LOXHD1: variants seen among roughly 807,000 people sequenced by gnomAD.
The protein encoded by LOXHD1 is lipoxygenase homology PLAT domains 1, also known as lipoxygenase homology domain-containing protein 1.
Under a neutral mutation model 248.2 loss-of-function variants are expected in LOXHD1, and 205 were observed. That is an observed-to-expected ratio of 0.83 (90% CI 0.74 to 0.93). LOXHD1 has a LOEUF of 0.93. Among genes scored for constraint, LOXHD1 ranks in the 40% least tolerant of loss-of-function variants. LOXHD1 has a pLI of 0.00. For missense variants in LOXHD1, 2,930 were observed against 2,971.6 expected (o/e 0.99, Z 0.33); for synonymous variants, 1,113 against 1,162.8 (o/e 0.96, Z 0.87).
intron 6 of LOXHD1, among the ~76,000 whole-genome samples, chr18:46,609,162 T>C (rs1394890141): frequency 6.6e-6 from 1 of 152,216 alleles, no homozygotes; most frequent in Non-Finnish European, 1.5e-5. Flanking sequence ...ATAAGATGCC[T>C]AGAGATTCAG....
chr18:46,567,067 T>A (rs191388197), intron 16 of LOXHD1, among the ~76,000 whole-genome samples: 1 of 152,340 alleles, frequency 6.6e-6, no homozygotes, highest in Non-Finnish European at 1.5e-5. Context: ...CATTTTAACA[T>A]CTTTGCCCCC....
Position 46,593,664 on chromosome 18 carries a change from GTCCGCCCCT to G in LOXHD1, c.1358_1366del (p.Lys453_Arg455del). The G allele has an allele frequency of 6.4e-7, 1 of 1,552,300 alleles. No individual in the cohort carries two copies. The highest frequency in any genetic ancestry group is 2.4e-5 in the East Asian group (1 of 40,912). The stretch of plus-strand genomic sequence containing the variant: ...GTTGGGATTCAGGAGAATCTCATCT[GTCCGCCCCT>G]TCTGCCCATAAATCTGGATGAAGAT... On this transcript the variant is annotated inframe_deletion, in exon 10 of 41. Coordinates refer to ENST00000642948, the MANE Select transcript of LOXHD1 (RefSeq NM_001384474.1).
chr18:46,571,738 A>T (rs1227824540), intron 15 of LOXHD1, among the ~76,000 whole-genome samples: 1 of 152,220 alleles, frequency 6.6e-6, no homozygotes, highest in East Asian at 1.9e-4. Context: ...CCAAGATGAT[A>T]CTTGGCATTT....
chr18:46,566,171 G>T, intron 17 of LOXHD1, 86 bp downstream of exon 17: 1 of 1,419,584 alleles, frequency 7.0e-7, no homozygotes, highest in Non-Finnish European at 9.5e-7. Context: ...AGCAAGACCT[G>T]CTTTGCCCCA....
At chr18:46,653,108 G>A (rs766023853) in intron 1 of LOXHD1, among the ~76,000 whole-genome samples, 3 of 152,140 alleles carry the variant, frequency 2.0e-5, no homozygotes, top group Admixed American at 6.5e-5. Flanking sequence ...TTAGCCAGGC[G>A]TGGTGGCGCA....
In LOXHD1 at chr18:46,524,408, G is replaced by A; in HGVS notation, c.4876+58C>T. The A allele has an allele frequency of 4.6e-6, 7 of 1,530,186 alleles. No homozygotes were observed. The South Asian group carries it at 7.3e-5, about 16-fold the overall frequency. The allele number at this position is 1,530,186 out of a possible 1,614,324, so 94.8% of individuals were successfully genotyped here. ...CTCAAGAATGGCTCATCCAAGAATTGCTTTAAAACATTTCCATGTGCCTGG... is the reference window on the plus strand; with the variant it reads ...CTCAAGAATGGCTCATCCAAGAATTACTTTAAAACATTTCCATGTGCCTGG... On this transcript the variant is annotated intron_variant, in intron 31 of 40. Coordinates refer to ENST00000642948, the MANE Select transcript of LOXHD1 (RefSeq NM_001384474.1).
intron 21 of LOXHD1, 92 bp downstream of exon 21, chr18:46,557,264 C>G (rs139052361): frequency 4.0e-6 from 6 of 1,483,486 alleles, no homozygotes; most frequent in Non-Finnish European, 9.2e-7. Flanking sequence ...TCACAGCCGG[C>G]CCACCCCCAG....
rs901636863 is a variant in LOXHD1 at position 46,541,774 on chromosome 18, A to G, written c.3913+2T>C. 3.2e-6 allele frequency: 5 copies of G among 1,551,650 alleles called. No homozygotes were observed. The highest frequency in any genetic ancestry group is 2.0e-5 in the Admixed American group (1 of 51,002). ...GCTGGCCTTGCCGTGTGTGGTTCCT[A>G]CATGGTGTGTACAGCCTCGTCTGAA... On this transcript the variant is annotated splice_donor_variant, in intron 25 of 40. Coordinates refer to ENST00000642948, the MANE Select transcript of LOXHD1 (RefSeq NM_001384474.1). LOFTEE classifies it high-confidence loss of function.
chr18:46,604,904 G>T (rs1452723475), intron 6 of LOXHD1, among the ~76,000 whole-genome samples: 1 of 152,148 alleles, frequency 6.6e-6, no homozygotes, highest in Non-Finnish European at 1.5e-5. Flanking sequence ...TAGCTAGAAT[G>T]TGTCCTCCAG....
At chr18:46,640,423 GA>G (rs2038948626) in intron 3 of LOXHD1, among the ~76,000 whole-genome samples, 1 of 152,188 alleles carries the variant, frequency 6.6e-6, no homozygotes, top group Non-Finnish European at 1.5e-5. Flanking sequence ...CTACAATCCA[GA>G]GGACCCCTAT....
At chr18:46,565,664 C>A (rs1036509155) in intron 17 of LOXHD1, among the ~76,000 whole-genome samples, 1 of 152,182 alleles carries the variant, frequency 6.6e-6, no homozygotes, top group Non-Finnish European at 1.5e-5. Flanking sequence ...ATAACCTACA[C>A]ACATCCTCCT....
At chr18:46,614,433 G>A (rs2038554944) in intron 5 of LOXHD1, among the ~76,000 whole-genome samples, 2 of 151,800 alleles carry the variant, frequency 1.3e-5, no homozygotes, top group Non-Finnish European at 2.9e-5. Context: ...CGTGGATGAA[G>A]CTGGAAACCA....
chr18:46,540,236 T>C (rs2036499162), intron 25 of LOXHD1, among the ~76,000 whole-genome samples: 1 of 152,198 alleles, frequency 6.6e-6, no homozygotes, highest in Non-Finnish European at 1.5e-5. Flanking sequence ...AAGCGTGCAT[T>C]GCCAGCCTCT....
At chr18:46,549,417 T>C (rs11082535) in intron 21 of LOXHD1, among the ~76,000 whole-genome samples, 13,752 of 152,296 alleles carry the variant, frequency 0.09, 835 homozygotes, top group Non-Finnish European at 0.13. Context: ...CCATTTTGTT[T>C]ATAAGCTAAA....
chr18:46,593,847 G>A (rs963323822), intron 9 of LOXHD1, 87 bp from the exon 10 acceptor site: 2 of 1,421,706 alleles, frequency 1.4e-6, no homozygotes, highest in South Asian at 1.3e-5. Flanking sequence ...AATCCAAAAT[G>A]ATCAGGACTG....
At chr18:46,482,752 C>T (rs917784979) in intron 40 of LOXHD1, among the ~76,000 whole-genome samples, 1 of 152,212 alleles carries the variant, frequency 6.6e-6, no homozygotes, top group Non-Finnish European at 1.5e-5. Flanking sequence ...CAAGGGCTAC[C>T]TTTCCTTGTG....
At chr18:46,593,491 T>C in intron 10 of LOXHD1, 109 bp downstream of exon 10, 1 of 1,271,032 alleles carries the variant, frequency 7.9e-7, no homozygotes, top group East Asian at 2.5e-5. Context: ...CGTACATTTT[T>C]GTCTTCAAAC....
intron 8 of LOXHD1, among the ~76,000 whole-genome samples, chr18:46,597,233 T>C (rs1271214765): frequency 6.6e-6 from 1 of 152,038 alleles, no homozygotes; most frequent in Non-Finnish European, 1.5e-5. Context: ...ATATTAAGTA[T>C]GTACAGTAAA....
At chr18:46,641,806 G>A in intron 3 of LOXHD1, 150 bp downstream of exon 3, 1 of 781,340 alleles carries the variant, frequency 1.3e-6, no homozygotes, top group Non-Finnish European at 2.1e-6. Context: ...TTAGGGCACT[G>A]TGATTCAGGA....
Sources: allele counts gnomAD v4.1 joint callset (sites outside exome capture counted in the v4.1 genomes callset), GRCh38; gene constraint gnomAD v4.1.1; transcripts MANE v1.5; gene names NCBI Gene and HGNC (gene_info 2026-07-23, HGNC 2026-07-21).